RCSD1: variants seen among roughly 807,000 people sequenced by gnomAD.
The protein encoded by RCSD1 is capZ-interacting protein.
In RCSD1, 26 loss-of-function variants were observed where a neutral mutation model predicts 42.5. The observed-to-expected ratio is 0.61, with a 90% CI of 0.45 to 0.85. The LOEUF (loss-of-function observed/expected upper bound fraction) is 0.85. Among genes scored for constraint, RCSD1 ranks in the 40% least tolerant of loss-of-function variants. RCSD1 has a pLI of 0.00. For synonymous variants in RCSD1, 220 were observed against 212.2 expected (o/e 1.04, Z -0.32); for missense variants, 571 against 528.3 (o/e 1.08, Z -0.79).
chr1:167,702,257 G>A (rs189575280), intron 6 of RCSD1, among the ~76,000 whole-genome samples: 10 of 152,284 alleles, frequency 6.6e-5, no homozygotes, highest in Non-Finnish European at 1.0e-4. Flanking sequence ...CCATAAGTGC[G>A]CCAAAGGCAT....
In RCSD1 at chr1:167,706,988, TCTACAG is replaced by T. The variant is rs1659770120; in HGVS notation, c.*2294_*2299del. Among the ~76,000 whole-genome samples the T allele has an allele frequency of 6.6e-6, 1 of 152,230 alleles. No homozygotes were observed. The highest frequency in any genetic ancestry group is 1.5e-5 in the Non-Finnish European group (1 of 68,046). ...GGGTTTGAAAGAAAACACGGATTCT[TCTACAG>T]CAACAGAGTTAAAGAAATAGTCATA... On this transcript the variant is annotated 3_prime_UTR_variant, in exon 7 of 7. Coordinates refer to ENST00000367854, the MANE Select transcript of RCSD1 (RefSeq NM_052862.4).
At chr1:167,690,210 G>C in intron 4 of RCSD1, 90 bp downstream of exon 4, 12 of 1,179,490 alleles carry the variant, frequency 1.0e-5, no homozygotes, top group Non-Finnish European at 1.5e-5. Flanking sequence ...CATAGGGGTA[G>C]CCTATGTGTC....
intron 5 of RCSD1, among the ~76,000 whole-genome samples, chr1:167,696,335 A>G (rs974194981): frequency 5.3e-5 from 8 of 151,340 alleles, no homozygotes; most frequent in Non-Finnish European, 1.0e-4. Flanking sequence ...TAAAAGTCTG[A>G]CTCTTATGCA....
At chr1:167,645,302 G>A (rs994903517) in intron 1 of RCSD1, among the ~76,000 whole-genome samples, 10 of 152,280 alleles carry the variant, frequency 6.6e-5, no homozygotes, top group Admixed American at 3.3e-4. Context: ...TTGGAAATAC[G>A]CATGCATTTG....
chr1:167,687,796 G>C (rs1389217766), intron 3 of RCSD1, among the ~76,000 whole-genome samples: 2 of 152,240 alleles, frequency 1.3e-5, no homozygotes, highest in Non-Finnish European at 2.9e-5. Flanking sequence ...TCAGCCCCCT[G>C]ACAGCACCTG....
intron 5 of RCSD1, among the ~76,000 whole-genome samples, chr1:167,696,620 T>G (rs1181498692): frequency 6.6e-6 from 1 of 151,974 alleles, no homozygotes; most frequent in African/African-American, 2.4e-5. Flanking sequence ...CCCAGCTAAT[T>G]TTTCTTACTT....
intron 1 of RCSD1, among the ~76,000 whole-genome samples, chr1:167,677,033 C>A (rs1441512332): frequency 6.6e-6 from 1 of 152,194 alleles, no homozygotes; most frequent in Non-Finnish European, 1.5e-5. Flanking sequence ...TTTTCAGATC[C>A]TTAAAGCCTA....
At chr1:167,666,243 C>G (rs1246279920) in intron 1 of RCSD1, among the ~76,000 whole-genome samples, 1 of 152,158 alleles carries the variant, frequency 6.6e-6, no homozygotes, top group Non-Finnish European at 1.5e-5. Flanking sequence ...CCATCAGTAG[C>G]TCCACAACCC....
rs10607777 is a variant in RCSD1 at position 167,682,668 on chromosome 1, AGTGTGTGTGT to A, written c.7-1199_7-1190del. Among the ~76,000 whole-genome samples the A allele has an allele frequency of 5.1e-3, 724 of 142,694 alleles. 5 individuals are homozygous for A. Among genetic ancestry groups the A allele is most frequent in the East Asian group, 0.015 (69 of 4,738 alleles). 93.6% of individuals were successfully genotyped at this position (142,694 alleles called of 152,430 possible). A position where few individuals can be genotyped will look rare whatever the true frequency, so the allele number is the denominator to read the frequency against. ...TAGCACAAAAGGAGGGCCATGGAAG[AGTGTGTGTGT>A]GTGTGTGTGTGTGTGTGTGTGTGTG... On this transcript the variant is annotated intron_variant, in intron 1 of 6. Coordinates refer to ENST00000367854, the MANE Select transcript of RCSD1 (RefSeq NM_052862.4).
At chr1:167,639,165 A>C (rs1229388) in intron 1 of RCSD1, among the ~76,000 whole-genome samples, 398 of 151,994 alleles carry the variant, frequency 2.6e-3, no homozygotes, top group African/African-American at 8.8e-3. Flanking sequence ...TGCAGTGAGC[A>C]GAGATCACGC....
chr1:167,678,535 T>C (rs1659004558), intron 1 of RCSD1, among the ~76,000 whole-genome samples: 2 of 152,114 alleles, frequency 1.3e-5, no homozygotes, highest in Non-Finnish European at 1.5e-5. Flanking sequence ...CAGCCTGACC[T>C]TCAAATCCCA....
chr1:167,684,354 G>C (rs1224188558), intron 2 of RCSD1, among the ~76,000 whole-genome samples: 2 of 152,212 alleles, frequency 1.3e-5, no homozygotes, highest in Non-Finnish European at 2.9e-5. Context: ...CCTACAGCCA[G>C]CTCCTGCCCT....
chr1:167,672,168 A>G (rs1658826740), intron 1 of RCSD1, among the ~76,000 whole-genome samples: 1 of 152,116 alleles, frequency 6.6e-6, no homozygotes, highest in Non-Finnish European at 1.5e-5. Context: ...CCACTCACAT[A>G]CTATACATTC....
chr1:167,679,918 C>T (rs1329226676), intron 1 of RCSD1, among the ~76,000 whole-genome samples: 3 of 152,092 alleles, frequency 2.0e-5, no homozygotes, highest in Non-Finnish European at 2.9e-5. Flanking sequence ...ATGGCAACAG[C>T]GGAGGGGAAG....
In RCSD1 at chr1:167,708,461, A is replaced by G. The variant is rs1428395401; in HGVS notation, c.*3765A>G. On this transcript the variant is annotated 3_prime_UTR_variant, in exon 7 of 7. Coordinates refer to ENST00000367854, the MANE Select transcript of RCSD1 (RefSeq NM_052862.4). ...CAATGTCTCTATATAATGCATGATC[A>G]GGTGGTTTATGAAGATGTCAAGAGC... Among the ~76,000 whole-genome samples, 1 of 152,246 alleles carries G rather than the reference A, an allele frequency of 6.6e-6. No homozygotes were observed. The highest frequency in any genetic ancestry group is 2.4e-5 in the African/African-American group (1 of 41,472).
chr1:167,689,015 A>G lies in RCSD1; in HGVS notation c.199-1034A>G, dbSNP rs560182256. On this transcript the variant is annotated intron_variant, in intron 3 of 6. Coordinates refer to ENST00000367854, the MANE Select transcript of RCSD1 (RefSeq NM_052862.4). The stretch of plus-strand genomic sequence containing the variant: ...GATATGGATCCCGAAGGCAGACAAG[A>G]TTCCTGGCATTCATTCATCACAAAA... Among the ~76,000 whole-genome samples, 12 of 152,304 alleles carry G rather than the reference A, an allele frequency of 7.9e-5. No individual in the cohort carries two copies. In the East Asian group the frequency reaches 2.3e-3, roughly 29 times the overall value.
In RCSD1 at chr1:167,707,768, G is replaced by A. The variant is rs1659792529; in HGVS notation, c.*3072G>A. Among the ~76,000 whole-genome samples, 1 of 152,096 alleles carries A rather than the reference G, an allele frequency of 6.6e-6. No individual in the cohort carries two copies. Among genetic ancestry groups the A allele is most frequent in the Non-Finnish European group, 1.5e-5 (1 of 68,032 alleles). On this transcript the variant is annotated 3_prime_UTR_variant, in exon 7 of 7. Coordinates refer to ENST00000367854, the MANE Select transcript of RCSD1 (RefSeq NM_052862.4). ...TGCAACCTCTGCCTCCTGCATTCAA[G>A]CGATTCTCGTGCCTCAGCCTCCCAA...
intron 6 of RCSD1, among the ~76,000 whole-genome samples, chr1:167,699,078 G>A (rs1477661192): frequency 1.3e-5 from 2 of 152,136 alleles, no homozygotes; most frequent in Admixed American, 6.5e-5. Context: ...GATTACAGGC[G>A]TGAGCCACCG....
intron 1 of RCSD1, among the ~76,000 whole-genome samples, chr1:167,666,607 C>T (rs944792154): frequency 5.9e-5 from 9 of 152,124 alleles, no homozygotes; most frequent in African/African-American, 2.2e-4. Flanking sequence ...GAATGCTTTC[C>T]GTCAGCCCTG....
Sources: allele counts gnomAD v4.1 joint callset (sites outside exome capture counted in the v4.1 genomes callset), GRCh38; gene constraint gnomAD v4.1.1; transcripts MANE v1.5; gene names NCBI Gene and HGNC (gene_info 2026-07-23, HGNC 2026-07-21).